Variants in PCDHGA3 observed in about 807,000 individuals in gnomAD.
PCDHGA3 encodes protocadherin gamma subfamily A, 3, also known as protocadherin gamma-A3.
Under a neutral mutation model 58.5 loss-of-function variants are expected in PCDHGA3, and 40 were observed. That is an observed-to-expected ratio of 0.68 (90% CI 0.53 to 0.89). The LOEUF (loss-of-function observed/expected upper bound fraction) is 0.89. Ranked by LOEUF, PCDHGA3 falls within the 40% of genes least tolerant of loss-of-function variation. The pLI, the probability that PCDHGA3 is intolerant of heterozygous loss-of-function variation, is 0.00. For missense variants in PCDHGA3, 1,223 were observed against 1,195.9 expected (o/e 1.02, Z -0.33); for synonymous variants, 530 against 525.7 (o/e 1.01, Z -0.11).
chr5:141,362,776 G>C (rs1407810350), intron 1 of PCDHGA3: 1 of 601,614 alleles, frequency 1.7e-6, no homozygotes, highest in Non-Finnish European at 2.8e-6. Flanking sequence ...ATATTGCACT[G>C]TATTTCTTTT....
intron 1 of PCDHGA3, chr5:141,375,325 G>T: frequency 6.2e-7 from 1 of 1,613,768 alleles, no homozygotes; most frequent in Non-Finnish European, 8.5e-7. Context: ...ACCGGGAAGA[G>T]GTATTCTTGT....
chr5:141,385,707 A>C (rs1397936755), intron 1 of PCDHGA3: 1 of 259,744 alleles, frequency 3.8e-6, no homozygotes, highest in Non-Finnish European at 6.2e-6. Flanking sequence ...TTTAGCATTC[A>C]AATATGTAAA....
At position 141,398,847 on chromosome 5, in the gene PCDHGA3, G is replaced by C. The variant is rs773663002; in HGVS notation, c.2424+52390G>C. ...TAACCGACGCCAATGATAATCCCCC[G>C]GTATTCAACCGAGACGTGTACAGAG... On this transcript the variant is annotated intron_variant, in intron 1 of 3. Coordinates refer to ENST00000253812, the MANE Select transcript of PCDHGA3 (RefSeq NM_018916.4). The C allele has an allele frequency of 3.8e-5, 62 of 1,613,758 alleles. 1 individual carries two copies. In the Admixed American group the frequency reaches 1.0e-3, roughly 27 times the overall value.
At chr5:141,418,743 A>G in intron 1 of PCDHGA3, 5 of 1,613,954 alleles carry the variant, frequency 3.1e-6, no homozygotes, top group African/African-American at 1.3e-5. Context: ...TTCTCTCTGG[A>G]TTACACTACA....
At chr5:141,392,575 T>C (rs1185769260) in intron 1 of PCDHGA3, 2 of 459,466 alleles carry the variant, frequency 4.4e-6, no homozygotes, top group Non-Finnish European at 7.7e-6. Flanking sequence ...TATTTAGGAC[T>C]GTAAGCGCCG....
chr5:141,391,314 T>C (rs2092347404), intron 1 of PCDHGA3: 1 of 151,522 alleles, frequency 6.6e-6, no homozygotes, highest in Non-Finnish European at 1.5e-5. Flanking sequence ...TTCTTTTTTT[T>C]TTCTTTTTTT....
intron 1 of PCDHGA3, chr5:141,398,947 A>G: frequency 1.2e-6 from 2 of 1,613,968 alleles, no homozygotes; most frequent in Admixed American, 1.7e-5. Context: ...CGAGGGCATC[A>G]ACTCAGAAAT....
intron 1 of PCDHGA3, chr5:141,384,697 C>CA (rs1290309898): frequency 6.2e-7 from 1 of 1,614,142 alleles, no homozygotes; most frequent in Non-Finnish European, 8.5e-7. Context: ...AGATTCAGGC[C>CA]AGAACGCCTG....
At position 141,346,249 on chromosome 5, in the gene PCDHGA3, A is replaced by G. The variant is rs1338921250; in HGVS notation, c.2216A>G (p.His739Arg). Residue 739 changes from histidine (H) to arginine (R), a missense_variant, in exon 1 of 4, where the codon CAC becomes CGC. This residue lies in a region of PCDHGA3 where 325 missense variants were observed against 327.5 expected (regional missense o/e 0.99). Coordinates refer to ENST00000253812, the MANE Select transcript of PCDHGA3 (RefSeq NM_018916.4). ...GGCTTGGCGAGTACGCCCGGCTCGC[A>G]CTTTGTGGGCGCGGACGGGGTTCGG... ...GGGLASTPGS[H>R]FVGADGVRAF... 1.2e-6 allele frequency: 2 copies of G among 1,614,170 alleles called. No homozygotes were observed. Among genetic ancestry groups the G allele is most frequent in the Admixed American group, 3.3e-5 (2 of 60,032 alleles).
intron 1 of PCDHGA3, chr5:141,385,278 A>G (rs776235211): frequency 7.4e-6 from 12 of 1,613,478 alleles, no homozygotes; most frequent in Non-Finnish European, 1.0e-5. Flanking sequence ...CTTTGCTAAC[A>G]TCCGTAGATT....
chr5:141,409,953 CCGG>C (rs1418234891), intron 1 of PCDHGA3: 2 of 1,613,280 alleles, frequency 1.2e-6, no homozygotes, highest in Non-Finnish European at 1.7e-6. Flanking sequence ...TCTGCAGAGC[CCGG>C]CTACCTAGTG....
intron 1 of PCDHGA3, chr5:141,356,963 T>C: frequency 6.2e-7 from 1 of 1,614,226 alleles, no homozygotes; most frequent in Non-Finnish European, 8.5e-7. Context: ...GGCTACCTGG[T>C]GACCAAAGTG....
chr5:141,422,447 C>G, intron 1 of PCDHGA3: 2 of 1,610,922 alleles, frequency 1.2e-6, no homozygotes, highest in Non-Finnish European at 1.7e-6. Flanking sequence ...AAATTGATAA[C>G]AAGCAGAGTG....
At chr5:141,386,498 A>G (rs961063181) in intron 1 of PCDHGA3, among the ~76,000 whole-genome samples, 2 of 135,914 alleles carry the variant, frequency 1.5e-5, no homozygotes, top group African/African-American at 5.6e-5. Context: ...TAATATAACA[A>G]GACTCTGTCT....
chr5:141,365,422 T>C (rs537066811), intron 1 of PCDHGA3: 4 of 1,614,032 alleles, frequency 2.5e-6, no homozygotes, highest in East Asian at 2.2e-5. Flanking sequence ...TTCCCGGAAC[T>C]GTAATCGCGC....
chr5:141,479,606 T>TA (rs1315315740), intron 1 of PCDHGA3: 1 of 152,184 alleles, frequency 6.6e-6, no homozygotes, highest in Non-Finnish European at 1.5e-5. Context: ...GCCTAGGCAA[T>TA]ATAGGGAAAC....
chr5:141,410,024 G>T (rs771946302), intron 1 of PCDHGA3: 4 of 1,613,164 alleles, frequency 2.5e-6, no homozygotes, highest in Non-Finnish European at 3.4e-6. Flanking sequence ...GTCCTACCAC[G>T]TGCTGCAGGC....
chr5:141,404,540 A>G, intron 1 of PCDHGA3: 2 of 1,613,920 alleles, frequency 1.2e-6, no homozygotes, highest in Non-Finnish European at 1.7e-6. Context: ...AGATTTGCAA[A>G]TGCAGGTGAC....
At chr5:141,391,264 G>A (rs1427432631) in intron 1 of PCDHGA3, 1 of 151,768 alleles carries the variant, frequency 6.6e-6, no homozygotes, top group Non-Finnish European at 1.5e-5. Context: ...TCAGTTAATG[G>A]CCACTTTACA....
Sources: allele counts gnomAD v4.1 joint callset (sites outside exome capture counted in the v4.1 genomes callset), GRCh38; gene constraint gnomAD v4.1.1; regional missense constraint gnomAD v4.1.1; transcripts MANE v1.5; gene names NCBI Gene and HGNC (gene_info 2026-07-23, HGNC 2026-07-21).